The following MACROD2 variants were observed in gnomAD, a reference collection of about 807,000 sequenced individuals.
The protein encoded by MACROD2 is mono-ADP ribosylhydrolase 2.
MACROD2 carries 36 observed loss-of-function variants against 70.4 expected under a neutral mutation model. That is an observed-to-expected ratio of 0.51 (90% CI 0.39 to 0.68). MACROD2 has a LOEUF of 0.68. MACROD2 is among the 30% of genes least tolerant of loss of function. The pLI is 0.00. For missense variants in MACROD2, 496 were observed against 538.4 expected, an observed-to-expected ratio of 0.92 and a Z score of 0.78; for synonymous variants, 172 against 178.8, an observed-to-expected ratio of 0.96 and a Z score of 0.30.
chr20:14,751,398 C>T (rs1314188939), intron 5 of MACROD2, among the ~76,000 whole-genome samples: 1 of 152,058 alleles, frequency 6.6e-6, no homozygotes, highest in Non-Finnish European at 1.5e-5. Context: ...TCCCTCAAAT[C>T]CATGTGCTTC....
chr20:15,641,728 C>T (rs1179706460), intron 8 of MACROD2, among the ~76,000 whole-genome samples: 1 of 152,142 alleles, frequency 6.6e-6, no homozygotes, highest in African/African-American at 2.4e-5. Flanking sequence ...AATTATTCAT[C>T]TGAAGACAAG....
At chr20:14,333,830 A>G (rs1434895817) in intron 3 of MACROD2, among the ~76,000 whole-genome samples, 1 of 152,198 alleles carries the variant, frequency 6.6e-6, no homozygotes, top group African/African-American at 2.4e-5. Flanking sequence ...GAGGAAGAAA[A>G]TCAACAACAC....
At chr20:15,136,599 C>T (rs1192897909) in intron 5 of MACROD2, among the ~76,000 whole-genome samples, 1 of 151,952 alleles carries the variant, frequency 6.6e-6, no homozygotes, top group Non-Finnish European at 1.5e-5. Context: ...GACCTAAAAC[C>T]ATAAAAACCC....
intron 3 of MACROD2, among the ~76,000 whole-genome samples, chr20:14,369,415 C>T (rs189796728): frequency 2.0e-3 from 301 of 152,276 alleles, no homozygotes; most frequent in Non-Finnish European, 2.4e-3. Context: ...GGAGCAGGGG[C>T]AAATACAAAC....
At chr20:14,038,643 CTG>C (rs775152168) in intron 2 of MACROD2, among the ~76,000 whole-genome samples, 3 of 152,140 alleles carry the variant, frequency 2.0e-5, no homozygotes, top group African/African-American at 4.8e-5. Context: ...GTATTTTATG[CTG>C]TGCATTATGT....
chr20:15,522,947 C>A (rs1364143899), intron 8 of MACROD2, among the ~76,000 whole-genome samples: 1 of 152,188 alleles, frequency 6.6e-6, no homozygotes, highest in Non-Finnish European at 1.5e-5. Flanking sequence ...GTCCATCTAT[C>A]TCATTACAAC....
chr20:15,030,987 C>T (rs573709551), intron 5 of MACROD2, among the ~76,000 whole-genome samples: 2 of 152,302 alleles, frequency 1.3e-5, no homozygotes, highest in South Asian at 2.1e-4. Flanking sequence ...GCTCGCGCTA[C>T]CAGCCCAGAT....
intron 9 of MACROD2, among the ~76,000 whole-genome samples, chr20:15,869,822 C>T (rs2064554720): frequency 6.6e-6 from 1 of 152,068 alleles, no homozygotes; most frequent in South Asian, 2.1e-4. Flanking sequence ...TAACATATCT[C>T]AATGTCTAGC....
At chr20:15,114,856 G>C (rs1302264760) in intron 5 of MACROD2, among the ~76,000 whole-genome samples, 1 of 152,064 alleles carries the variant, frequency 6.6e-6, no homozygotes, top group Non-Finnish European at 1.5e-5. Flanking sequence ...GTTTCCCCCA[G>C]TGAGGAGAAA....
rs546776560 is a variant in MACROD2 at position 14,183,009 on chromosome 20, AGTTT to A, written c.271+97285_271+97288del. ...ACTTTAAGTTCAGTGGTGTGAGTGCAGTTTGTTGTCTGTATGACAAACCCCCATG... is the reference window on the plus strand; with the variant it reads ...ACTTTAAGTTCAGTGGTGTGAGTGCAGTTGTCTGTATGACAAACCCCCATG... On this transcript the variant is annotated intron_variant, in intron 3 of 17. Transcript: ENST00000684519. Among the ~76,000 whole-genome samples the A allele has an allele frequency of 2.1e-3, 312 of 150,090 alleles. 2 individuals are homozygous for A. Among genetic ancestry groups the A allele is most frequent in the African/African-American group, 7.5e-3 (306 of 41,056 alleles).
intron 8 of MACROD2, among the ~76,000 whole-genome samples, chr20:15,776,664 A>G (rs1261183044): frequency 6.6e-6 from 1 of 152,214 alleles, no homozygotes; most frequent in Admixed American, 6.5e-5. Flanking sequence ...GTCTCTTTGT[A>G]AACTACATGA....
At chr20:15,744,051 A>G (rs1357288245) in intron 8 of MACROD2, among the ~76,000 whole-genome samples, 1 of 152,270 alleles carries the variant, frequency 6.6e-6, no homozygotes, top group Admixed American at 6.5e-5. Context: ...TCTGCCCTTC[A>G]TAGTTCATAG....
intron 3 of MACROD2, among the ~76,000 whole-genome samples, chr20:14,096,943 T>A (rs1019608425): frequency 1.3e-5 from 2 of 152,210 alleles, no homozygotes; most frequent in African/African-American, 2.4e-5. Flanking sequence ...TTTTCATGAT[T>A]GCTTCTTTCT....
chr20:15,412,109 A>T (rs2046086754), intron 6 of MACROD2, among the ~76,000 whole-genome samples: 1 of 152,150 alleles, frequency 6.6e-6, no homozygotes, highest in Non-Finnish European at 1.5e-5. Flanking sequence ...AATGGATCAA[A>T]ATTAGTTTCT....
intron 3 of MACROD2, among the ~76,000 whole-genome samples, chr20:14,431,737 T>C (rs1035336367): frequency 6.6e-6 from 1 of 152,166 alleles, no homozygotes; most frequent in Non-Finnish European, 1.5e-5. Flanking sequence ...GCTCTGCCTT[T>C]AAGATGAGGA....
chr20:16,016,708 G>GT (rs2066934284), intron 15 of MACROD2, among the ~76,000 whole-genome samples: 1 of 152,088 alleles, frequency 6.6e-6, no homozygotes, highest in Non-Finnish European at 1.5e-5. Context: ...GATAATTTTT[G>GT]TATTTTTGGT....
rs2073263326 is a variant in MACROD2 at position 14,857,140 on chromosome 20, A to G, written c.418+172181A>G. Among the ~76,000 whole-genome samples the G allele has an allele frequency of 3.3e-5, 5 of 152,236 alleles. No individual in the cohort carries two copies. The South Asian group carries it at 1.0e-3, about 32-fold the overall frequency. ...TATCTCCTCTGCTCCCCAATCCCAT[A>G]AACCGTTATCCCTATTCTCTCTCTG... is the stretch of plus-strand genomic sequence containing the variant. On this transcript the variant is annotated intron_variant, in intron 5 of 17. Coordinates refer to ENST00000684519, the MANE Select transcript of MACROD2 (RefSeq NM_001351661.2).
chr20:15,329,652 A>C (rs1373175304), intron 6 of MACROD2, among the ~76,000 whole-genome samples: 4 of 152,128 alleles, frequency 2.6e-5, no homozygotes, highest in Admixed American at 6.6e-5. Flanking sequence ...AAAATCTTGA[A>C]GTGAATTCAC....
chr20:14,231,895 G>C (rs1304241972), intron 3 of MACROD2, among the ~76,000 whole-genome samples: 1 of 152,216 alleles, frequency 6.6e-6, no homozygotes, highest in Non-Finnish European at 1.5e-5. Context: ...GGCCAGTGAT[G>C]ATGAGCATTT....
Sources: allele counts gnomAD v4.1 joint callset (sites outside exome capture counted in the v4.1 genomes callset), GRCh38; gene constraint gnomAD v4.1.1; transcripts MANE v1.5; gene names NCBI Gene and HGNC (gene_info 2026-07-23, HGNC 2026-07-21).